AHI1: variants seen among roughly 807,000 people sequenced by gnomAD.
AHI1 encodes jouberin.
AHI1 carries 123 observed loss-of-function variants against 149.3 expected under a neutral mutation model. The observed-to-expected ratio is 0.82, with a 90% CI of 0.71 to 0.96. The LOEUF (loss-of-function observed/expected upper bound fraction) is 0.96, where lower values mean the gene tolerates loss of function less well. AHI1 is among the 40% of genes least tolerant of loss of function. The pLI, the probability that AHI1 is intolerant of heterozygous loss-of-function variation, is 0.00. For missense variants in AHI1, 1,439 were observed against 1,422.7 expected (o/e 1.01, Z -0.18); for synonymous variants, 475 against 459.8 (o/e 1.03, Z -0.42).
intron 27 of AHI1, among the ~76,000 whole-genome samples, chr6:135,298,121 C>T (rs908320968): frequency 2.0e-5 from 3 of 152,002 alleles, no homozygotes; most frequent in African/African-American, 7.2e-5. Flanking sequence ...TTTATAGCAG[C>T]CTCATTACCA....
At chr6:135,288,940 A>G (rs962855374) in intron 28 of AHI1, among the ~76,000 whole-genome samples, 8 of 151,960 alleles carry the variant, frequency 5.3e-5, no homozygotes, top group African/African-American at 1.9e-4. Flanking sequence ...TCCACATCCC[A>G]TTTTCTCATC....
chr6:135,327,391 G>A (rs2128391684), intron 24 of AHI1, among the ~76,000 whole-genome samples: 1 of 152,364 alleles, frequency 6.6e-6, no homozygotes, highest in South Asian at 2.1e-4. Context: ...TTGGGAGGGT[G>A]ATGACTGGTG....
chr6:135,377,878 T>A (rs994560223), intron 23 of AHI1, among the ~76,000 whole-genome samples: 1 of 152,036 alleles, frequency 6.6e-6, no homozygotes, highest in Admixed American at 6.6e-5. Context: ...TTCCTAAACA[T>A]AAGAGAAAGC....
chr6:135,434,687 T>C (rs1312908968), intron 15 of AHI1, among the ~76,000 whole-genome samples: 1 of 151,782 alleles, frequency 6.6e-6, no homozygotes, highest in Non-Finnish European at 1.5e-5. Context: ...TTAAAATAAA[T>C]ATATAAATGG....
chr6:135,475,771 C>A (rs1327342338), intron 5 of AHI1, among the ~76,000 whole-genome samples: 2 of 152,176 alleles, frequency 1.3e-5, no homozygotes, highest in East Asian at 3.8e-4. Context: ...GTCCCATGCA[C>A]CTTTTCCCTT....
At chr6:135,330,168 A>G (rs557986337) in intron 24 of AHI1, among the ~76,000 whole-genome samples, 1 of 152,352 alleles carries the variant, frequency 6.6e-6, no homozygotes, top group East Asian at 1.9e-4. Context: ...GAGAGTACTG[A>G]ATCCAATTCT....
At chr6:135,463,818 C>G (rs944997971) in intron 7 of AHI1, among the ~76,000 whole-genome samples, 1 of 152,012 alleles carries the variant, frequency 6.6e-6, no homozygotes, top group Non-Finnish European at 1.5e-5. Flanking sequence ...GTGGTACAAT[C>G]ATAGCTCACT....
In AHI1 at chr6:135,285,496, T is replaced by C. The variant is rs536717042; in HGVS notation, c.*149A>G. The C allele has an allele frequency of 6.2e-5, 52 of 836,244 alleles. No homozygotes were observed. The South Asian group carries it at 7.1e-4, about 11-fold the overall frequency. 51.8% of individuals were successfully genotyped at this position (836,244 alleles called of 1,614,324 possible). A position where few individuals can be genotyped will look rare whatever the true frequency, so the allele number is the denominator to read the frequency against. On this transcript the variant is annotated 3_prime_UTR_variant, in exon 29 of 29. Transcript: ENST00000265602. The stretch of plus-strand genomic sequence containing the variant: ...TTTCCACCCACAACTTGATTCTGAT[T>C]TTTCTAGAGTCATTCATAAGAACAA...
chr6:135,428,757 A>C lies in AHI1; in HGVS notation c.2495T>G (p.Leu832Ter), dbSNP rs863225131. ...TGCTCCTACAAACTTCCTTGCTACT[A>C]ATCTACAAGCAAAAAAGATTTTACA... ...STLRIMDLRI[L>*]VARKFVGAAN... The change falls in exon 19 of 29, where the codon TTA becomes TGA. Residue 832 changes from leucine (L) to a stop codon, truncating the protein, a stop_gained and splice_region_variant. Coordinates refer to ENST00000265602, the MANE Select transcript of AHI1 (RefSeq NM_001134831.2). LOFTEE classifies it high-confidence loss of function. 3 of 1,598,890 alleles carry C rather than the reference A, an allele frequency of 1.9e-6. No individual in the cohort carries two copies. Among genetic ancestry groups the C allele is most frequent in the Non-Finnish European group, 2.6e-6 (3 of 1,171,792 alleles).
chr6:135,443,858 G>C (rs1027515817), intron 13 of AHI1, among the ~76,000 whole-genome samples: 16 of 152,198 alleles, frequency 1.1e-4, no homozygotes, highest in African/African-American at 3.6e-4. Context: ...AGAAAAGGGA[G>C]AGGAGGGTAA....
chr6:135,484,807 C>G (rs1417322138), intron 5 of AHI1, among the ~76,000 whole-genome samples: 6 of 150,670 alleles, frequency 4.0e-5, no homozygotes, highest in Non-Finnish European at 7.4e-5. Flanking sequence ...TCAACAAATA[C>G]TTATTGAGTC....
At chr6:135,302,868 C>T (rs1051317509) in intron 26 of AHI1, 2 of 1,242,316 alleles carry the variant, frequency 1.6e-6, no homozygotes, top group African/African-American at 3.1e-5. Context: ...CCGCAAATAA[C>T]CCCCACCATC....
chr6:135,287,125 G>A (rs952500534), intron 28 of AHI1, among the ~76,000 whole-genome samples: 4 of 152,120 alleles, frequency 2.6e-5, no homozygotes, highest in Non-Finnish European at 5.9e-5. Context: ...AAGAAAAACA[G>A]AAAAGGGAAG....
chr6:135,336,109 G>A (rs1281925731), intron 24 of AHI1, among the ~76,000 whole-genome samples: 3 of 114,426 alleles, frequency 2.6e-5, no homozygotes, highest in African/African-American at 1.0e-4. Context: ...GCGAAACTCC[G>A]TCTAAAAAAA....
rs750550820 is a variant in AHI1 at position 135,457,525 on chromosome 6, G to A, written c.1120C>T (p.His374Tyr). The part of the protein sequence containing the change: ...PMVKIHVVDE[H>Y]TGQYVKKDDS... ...TCTTTCTTGACATATTGACCAGTAT[G>A]CTCATCAACCACATGAATTTTTACC... The change falls in exon 9 of 29, where the codon CAT (histidine) becomes TAT (tyrosine). Residue 374 changes from histidine (H) to tyrosine (Y), a missense_variant. Coordinates refer to ENST00000265602, the MANE Select transcript of AHI1 (RefSeq NM_001134831.2). 1 of 1,613,578 alleles carries A rather than the reference G, an allele frequency of 6.2e-7. No homozygotes were observed. The highest frequency in any genetic ancestry group is 1.1e-5 in the South Asian group (1 of 91,040).
Position 135,317,239 on chromosome 6 carries a change from G to A in AHI1, c.3426+1280C>T, listed in dbSNP as rs115532844. Among the ~76,000 whole-genome samples, 480 of 151,942 alleles carry A rather than the reference G, an allele frequency of 3.2e-3. 3 individuals are homozygous for A. The highest frequency in any genetic ancestry group is 0.011 in the African/African-American group (461 of 41,406). The stretch of plus-strand genomic sequence containing the variant: ...TGCAAATCTGTTCATGTCATTCCCT[G>A]AATTACGTCCTTCAGGGGATCCCCT... On this transcript the variant is annotated intron_variant, in intron 26 of 28. Transcript: ENST00000265602.
intron 24 of AHI1, among the ~76,000 whole-genome samples, chr6:135,329,908 G>C (rs1009186956): frequency 2.6e-5 from 4 of 152,196 alleles, no homozygotes; most frequent in African/African-American, 9.6e-5. Flanking sequence ...GACTTCAGTG[G>C]AGGAAGTAAC....
At chr6:135,391,539 G>C (rs1387565970) in intron 23 of AHI1, among the ~76,000 whole-genome samples, 1 of 152,070 alleles carries the variant, frequency 6.6e-6, no homozygotes, top group Non-Finnish European at 1.5e-5. Context: ...TAGGCGTGTG[G>C]GTCGGGGGTC....
intron 23 of AHI1, among the ~76,000 whole-genome samples, chr6:135,376,612 A>G (rs748950421): frequency 1.3e-5 from 2 of 152,070 alleles, no homozygotes; most frequent in Non-Finnish European, 2.9e-5. Flanking sequence ...GGCCGGGCGC[A>G]GTGGCTCACG....
Sources: allele counts gnomAD v4.1 joint callset (sites outside exome capture counted in the v4.1 genomes callset), GRCh38; gene constraint gnomAD v4.1.1; transcripts MANE v1.5; gene names NCBI Gene and HGNC (gene_info 2026-07-23, HGNC 2026-07-21).